Variants in CFAP69 observed in about 807,000 individuals in gnomAD.
The protein encoded by CFAP69 is cilia and flagella associated protein 69.
A neutral mutation model predicts 123.0 loss-of-function variants in CFAP69; 92 were observed. That is an observed-to-expected ratio of 0.75 (90% CI 0.63 to 0.89). The LOEUF (loss-of-function observed/expected upper bound fraction) is 0.89, where lower values mean the gene tolerates loss of function less well. Among genes scored for constraint, CFAP69 ranks in the 40% least tolerant of loss-of-function variants. The pLI, the probability that CFAP69 is intolerant of heterozygous loss-of-function variation, is 0.00. For missense variants in CFAP69, 1,067 were observed against 1,096.9 expected, an observed-to-expected ratio of 0.97 and a Z score of 0.39; for synonymous variants, 380 against 364.3, an observed-to-expected ratio of 1.04 and a Z score of -0.49.
Position 90,304,000 on chromosome 7 carries a change from A to G in CFAP69, c.2082A>G (p.Gln694=), listed in dbSNP as rs1793192021. ...AAAAACCTCTATTTACTAGCTTTCA[A>G]GAAGAGCAAAAAATCATCCCACTGC... is the stretch of plus-strand genomic sequence containing the variant. ...DTKKPLFTSF[Q]EEQKIIPLPA... is the part of the protein sequence containing the mutation. Residue 694 remains glutamine, a synonymous_variant, in exon 18 of 23, where the codon CAA becomes CAG. Coordinates refer to ENST00000389297, the MANE Select transcript of CFAP69 (RefSeq NM_001039706.3). The G allele has an allele frequency of 1.3e-6, 2 of 1,550,806 alleles. No homozygotes were observed. The highest frequency in any genetic ancestry group is 1.7e-6 in the Non-Finnish European group (2 of 1,146,500).
intron 13 of CFAP69, 25 bp from the exon 14 acceptor site, chr7:90,286,256 C>T (rs768968216): frequency 4.5e-6 from 7 of 1,559,424 alleles, no homozygotes; most frequent in East Asian, 2.3e-5. Flanking sequence ...AATAACTATA[C>T]AGTCTTTAAA....
At chr7:90,248,777 C>T (rs542029420) in intron 1 of CFAP69, among the ~76,000 whole-genome samples, 15 of 152,172 alleles carry the variant, frequency 9.9e-5, no homozygotes, top group Admixed American at 3.3e-4. Flanking sequence ...TTTCCAGTTT[C>T]GAAACAATAA....
chr7:90,266,117 A>G (rs1332952601), intron 5 of CFAP69: 1 of 152,160 alleles, frequency 6.6e-6, no homozygotes, highest in Non-Finnish European at 1.5e-5. Context: ...TTTACGGAAT[A>G]ATGATGTTCC....
Position 90,299,998 on chromosome 7 carries a change from A to G in CFAP69, c.1989A>G (p.Lys663=), listed in dbSNP as rs1467716977. The G allele has an allele frequency of 1.2e-6, 2 of 1,611,196 alleles. No individual in the cohort carries two copies. The highest frequency in any genetic ancestry group is 1.7e-5 in the Admixed American group (1 of 59,552). ...AGACAGCTGCTAGTCTTTTAATTAA[A>G]TTGTGGAGAAAGGAGGAAAAAGAAC... The part of the protein sequence containing the change: ...KDQTAASLLI[K]LWRKEEKELG... Residue 663 remains lysine, a synonymous_variant, in exon 17 of 23, where the codon AAA becomes AAG. Transcript: ENST00000389297.
Position 90,262,009 on chromosome 7 carries a change from C to T in CFAP69, c.309C>T (p.Asn103=). 6.2e-7 allele frequency: 1 copy of T among 1,603,460 alleles called. No individual in the cohort carries two copies. Among genetic ancestry groups the T allele is most frequent in the Non-Finnish European group, 8.5e-7 (1 of 1,175,810 alleles). The change falls in exon 4 of 23, where the codon AAC becomes AAT. Residue 103 remains asparagine, a synonymous_variant. Coordinates refer to ENST00000389297, the MANE Select transcript of CFAP69 (RefSeq NM_001039706.3). ...ATCTGTGTTCAGGAAAAATAAAAAA[C>T]CAGCCTCGTTTTATAGAATCTGCAT... is the stretch of plus-strand genomic sequence containing the variant. ...ILNLCSGKIK[N]QPRFIESAYD... is the part of the protein sequence containing the mutation.
At chr7:90,256,648 C>G (rs1313263174) in intron 2 of CFAP69, among the ~76,000 whole-genome samples, 14 of 152,038 alleles carry the variant, frequency 9.2e-5, no homozygotes, top group Admixed American at 9.2e-4. Flanking sequence ...TTATTCTCTG[C>G]TTTTTTACAT....
the CFAP69 span, chr7:90,319,618 AT>A: frequency 2.5e-6 from 1 of 398,622 alleles, no homozygotes; most frequent in Non-Finnish European, 4.4e-6. Flanking sequence ...CTGGAGATCA[AT>A]GTCTTTGGTG....
At chr7:90,267,487 G>A (rs1799311052) in intron 5 of CFAP69, among the ~76,000 whole-genome samples, 1 of 152,150 alleles carries the variant, frequency 6.6e-6, no homozygotes, top group African/African-American at 2.4e-5. Context: ...TACCCTTGGG[G>A]ATCATGTTTA....
chr7:90,283,546 A>G (rs1007908722), intron 13 of CFAP69, among the ~76,000 whole-genome samples: 1 of 152,154 alleles, frequency 6.6e-6, no homozygotes, highest in Non-Finnish European at 1.5e-5. Flanking sequence ...GAAAATGGAA[A>G]TTATGTGTAT....
In CFAP69 at chr7:90,306,930, A is replaced by G. The variant is rs2117441392; in HGVS notation, c.2295A>G (p.Glu765=). The change falls in exon 20 of 23, where the codon GAA becomes GAG. Residue 765 remains glutamate, a synonymous_variant. Coordinates refer to ENST00000389297, the MANE Select transcript of CFAP69 (RefSeq NM_001039706.3). The part of the protein sequence containing the change: ...KIGEIWNEIY[E]EIKLEKLRPV... Reference sequence around the variant, plus strand: ...GAGAAATATGGAATGAAATATATGAAGAAATAAAATTAGAAAAATTAAGAC... The same window carrying G: ...GAGAAATATGGAATGAAATATATGAGGAAATAAAATTAGAAAAATTAAGAC... 6.4e-7 allele frequency: 1 copy of G among 1,554,316 alleles called. No individual in the cohort carries two copies. The highest frequency in any genetic ancestry group is 8.8e-7 in the Non-Finnish European group (1 of 1,134,272).
At chr7:90,300,203 A>C in intron 17 of CFAP69, 144 bp downstream of exon 17, 1 of 1,166,206 alleles carries the variant, frequency 8.6e-7, no homozygotes, top group Non-Finnish European at 1.1e-6. Context: ...AAAATTTGCT[A>C]TCCTAAGTGA....
At chr7:90,295,577 C>A (rs1791823932) in intron 15 of CFAP69, among the ~76,000 whole-genome samples, 1 of 152,146 alleles carries the variant, frequency 6.6e-6, no homozygotes, top group African/African-American at 2.4e-5. Context: ...GGTTTTCTCA[C>A]TATTGTCCCT....
intron 5 of CFAP69, 150 bp from the exon 6 acceptor site, chr7:90,268,136 A>T: frequency 3.5e-6 from 2 of 565,562 alleles, no homozygotes; most frequent in South Asian, 4.2e-5. Flanking sequence ...GAGCATATGT[A>T]TAAAAATATG....
chr7:90,267,922 C>A (rs933868369), intron 5 of CFAP69, among the ~76,000 whole-genome samples: 2 of 152,050 alleles, frequency 1.3e-5, no homozygotes, highest in African/African-American at 4.8e-5. Flanking sequence ...ATTGTTATAC[C>A]TGCTTAATAG....
At chr7:90,248,295 A>G (rs1796565796) in intron 1 of CFAP69, among the ~76,000 whole-genome samples, 1 of 152,238 alleles carries the variant, frequency 6.6e-6, no homozygotes, top group African/African-American at 2.4e-5. Context: ...GTTTTTAGTA[A>G]TTAAAGAAAT....
In CFAP69 at chr7:90,307,779, G is replaced by A. The variant is rs374396434; in HGVS notation, c.2475G>A (p.Thr825=). 40 of 1,602,770 alleles carry A rather than the reference G, an allele frequency of 2.5e-5. No homozygotes were observed. The highest frequency in any genetic ancestry group is 3.3e-4 in the Middle Eastern group (2 of 6,016). The change falls in exon 21 of 23, where the codon ACG becomes ACA. Residue 825 remains threonine (T), a synonymous_variant. Transcript: ENST00000389297. ...CTTTCTCATTTCAGATACAGGCCAC[G>A]CACAAGCAAAGAGAGCTGGCTAATA... ...EQKVYAKIQA[T]HKQRELANKS...
rs552539315 is a variant in CFAP69, at chr7:90,309,174, G to C, written c.2551-89G>C. On this transcript the variant is annotated intron_variant, in intron 21 of 22. Coordinates refer to ENST00000389297, the MANE Select transcript of CFAP69 (RefSeq NM_001039706.3). ...TAATAAACAACCAAAGCATAAGCCA[G>C]ACACAATTAAATATGTTTTTCATTG... 1.1e-5 allele frequency: 7 copies of C among 620,990 alleles called. No individual in the cohort carries two copies. The Admixed American group carries it at 1.9e-4, about 17-fold the overall frequency. 38.5% of individuals were successfully genotyped at this position (620,990 alleles called of 1,614,324 possible).
chr7:90,304,650 GA>G, intron 18 of CFAP69, 93 bp from the exon 19 acceptor site: 1 of 644,430 alleles, frequency 1.6e-6, no homozygotes, highest in Non-Finnish European at 1.9e-6. Context: ...TAGGTAGATA[GA>G]TAGATAGATA....
At chr7:90,260,532 TA>T (rs1373940663) in intron 3 of CFAP69, among the ~76,000 whole-genome samples, 2 of 151,516 alleles carry the variant, frequency 1.3e-5, no homozygotes, top group Non-Finnish European at 2.9e-5. Context: ...ATCCTGTCTC[TA>T]AAAAAAAGAA....
Sources: allele counts gnomAD v4.1 joint callset (sites outside exome capture counted in the v4.1 genomes callset), GRCh38; gene constraint gnomAD v4.1.1; transcripts MANE v1.5; gene names NCBI Gene and HGNC (gene_info 2026-07-23, HGNC 2026-07-21).